The following ARHGAP15 variants were observed in gnomAD, a reference collection of about 807,000 sequenced individuals.
ARHGAP15 encodes the protein Rho GTPase activating protein 15.
In ARHGAP15, 51 loss-of-function variants were observed where a neutral mutation model predicts 63.7. The ratio of observed to expected loss-of-function variants is 0.80; its 90% CI spans 0.64 to 1.01. ARHGAP15 has a LOEUF of 1.01. ARHGAP15 is among the 50% of genes least tolerant of loss of function. The pLI is 0.00. For synonymous variants in ARHGAP15, 191 were observed against 193.8 expected (o/e 0.99, Z 0.12); for missense variants, 560 against 564.6 (o/e 0.99, Z 0.08).
chr2:143,356,339 C>A (rs1685809499), intron 6 of ARHGAP15, among the ~76,000 whole-genome samples: 1 of 152,030 alleles, frequency 6.6e-6, no homozygotes, highest in Admixed American at 6.6e-5. Flanking sequence ...GAGCAATGAT[C>A]TTTGTAAGAT....
At chr2:143,504,218 C>A (rs1693201456) in intron 9 of ARHGAP15, among the ~76,000 whole-genome samples, 1 of 152,140 alleles carries the variant, frequency 6.6e-6, no homozygotes, top group Admixed American at 6.6e-5. Context: ...AGTTTGTATT[C>A]TACTTTATAG....
intron 5 of ARHGAP15, among the ~76,000 whole-genome samples, chr2:143,235,332 T>G (rs28445924): frequency 0.013 from 1,918 of 151,228 alleles, 38 homozygotes; most frequent in African/African-American, 0.044. Flanking sequence ...CGTTATAATT[T>G]GAATATGTGG....
chr2:143,378,296 A>G (rs1187636589), intron 6 of ARHGAP15, among the ~76,000 whole-genome samples: 1 of 152,064 alleles, frequency 6.6e-6, no homozygotes, highest in African/African-American at 2.4e-5. Context: ...GAGATACGAA[A>G]CAGTTTATTA....
intron 12 of ARHGAP15, 116 bp from the exon 13 acceptor site, chr2:143,703,303 C>T (rs542769040): frequency 1.5e-6 from 1 of 655,922 alleles, no homozygotes; most frequent in Non-Finnish European, 2.6e-6. Context: ...TGACTACTGA[C>T]TAGGACTCTT....
intron 2 of ARHGAP15, chr2:143,172,279 A>T (rs1219735418): frequency 6.6e-6 from 1 of 152,160 alleles, no homozygotes; most frequent in African/African-American, 2.4e-5. Flanking sequence ...AGGCTAATAT[A>T]AGATCAGAGT....
chr2:143,137,500 C>T (rs959175325), intron 1 of ARHGAP15, among the ~76,000 whole-genome samples: 2 of 151,940 alleles, frequency 1.3e-5, no homozygotes, highest in African/African-American at 2.4e-5. Flanking sequence ...ATATATGGTA[C>T]AGTTTTAGTA....
intron 8 of ARHGAP15, among the ~76,000 whole-genome samples, chr2:143,439,485 A>T (rs1238583298): frequency 2.0e-5 from 3 of 146,986 alleles, no homozygotes; most frequent in Non-Finnish European, 4.5e-5. Context: ...TCATTTCAAA[A>T]TCTAACTAAT....
intron 6 of ARHGAP15, among the ~76,000 whole-genome samples, chr2:143,372,262 A>G (rs999712818): frequency 4.0e-5 from 6 of 149,812 alleles, no homozygotes; most frequent in Non-Finnish European, 7.4e-5. Context: ...GGATCACCTG[A>G]GCCTGAGGAG....
Position 143,399,263 on chromosome 2 carries a change from CT to C in ARHGAP15, c.475-36328del, listed in dbSNP as rs376708875. On this transcript the variant is annotated intron_variant, in intron 6 of 13. Coordinates refer to ENST00000295095, the MANE Select transcript of ARHGAP15 (RefSeq NM_018460.4). ...GTAATTATCCCTTATACAATTATTA[CT>C]TTTTTTTTTATCCTTTGAGACATTT... Among the ~76,000 whole-genome samples the C allele has an allele frequency of 2.7e-3, 400 of 147,938 alleles. 2 individuals are homozygous for C. Among genetic ancestry groups the C allele is most frequent in the African/African-American group, 7.9e-3 (321 of 40,474 alleles).
At chr2:143,659,921 A>G (rs532890317) in intron 12 of ARHGAP15, among the ~76,000 whole-genome samples, 3 of 152,124 alleles carry the variant, frequency 2.0e-5, no homozygotes, top group Admixed American at 6.5e-5. Context: ...ATTTGAAGTA[A>G]TAAGTGGGTG....
intron 6 of ARHGAP15, among the ~76,000 whole-genome samples, chr2:143,299,906 A>AG (rs1344945393): frequency 1.3e-5 from 2 of 151,972 alleles, no homozygotes; most frequent in African/African-American, 4.8e-5. Context: ...AATATTAAAG[A>AG]GGAAGGGTTG....
At chr2:143,360,941 C>A (rs970272557) in intron 6 of ARHGAP15, among the ~76,000 whole-genome samples, 11 of 152,036 alleles carry the variant, frequency 7.2e-5, no homozygotes, top group African/African-American at 2.7e-4. Context: ...CACATTTTGG[C>A]CAATTTAGTT....
intron 11 of ARHGAP15, among the ~76,000 whole-genome samples, chr2:143,568,804 A>G (rs910786803): frequency 1.3e-5 from 2 of 152,272 alleles, no homozygotes; most frequent in Admixed American, 6.5e-5. Context: ...AAAATGTGGC[A>G]CATATACACC....
intron 8 of ARHGAP15, among the ~76,000 whole-genome samples, chr2:143,474,190 A>C (rs916409849): frequency 4.6e-5 from 7 of 152,284 alleles, no homozygotes; most frequent in African/African-American, 1.7e-4. Context: ...AGGAAGACTC[A>C]AAACCCCAAA....
intron 6 of ARHGAP15, among the ~76,000 whole-genome samples, chr2:143,353,695 G>T (rs1453637678): frequency 6.6e-6 from 1 of 152,104 alleles, no homozygotes; most frequent in Non-Finnish European, 1.5e-5. Context: ...TTGTGAGATG[G>T]TTGCAGCCCG....
intron 8 of ARHGAP15, among the ~76,000 whole-genome samples, chr2:143,450,650 T>C (rs1690366099): frequency 6.6e-6 from 1 of 151,988 alleles, no homozygotes; most frequent in Non-Finnish European, 1.5e-5. Flanking sequence ...CCAGTATCAT[T>C]TCTTAATTAT....
intron 9 of ARHGAP15, among the ~76,000 whole-genome samples, chr2:143,505,170 A>G (rs1377026354): frequency 1.3e-5 from 2 of 152,194 alleles, no homozygotes; most frequent in Admixed American, 1.3e-4. Context: ...TTACCAACTA[A>G]TATCAGCTCT....
At chr2:143,451,182 C>A (rs568681461) in intron 8 of ARHGAP15, among the ~76,000 whole-genome samples, 8 of 152,018 alleles carry the variant, frequency 5.3e-5, no homozygotes, top group African/African-American at 1.9e-4. Flanking sequence ...GATGATCATA[C>A]ATTCGCCTCT....
chr2:143,541,374 A>C (rs575334760), intron 10 of ARHGAP15, among the ~76,000 whole-genome samples: 19 of 151,952 alleles, frequency 1.3e-4, no homozygotes, highest in African/African-American at 4.6e-4. Context: ...TCTTCTCTCA[A>C]CTCGTCAAAG....
Sources: gnomAD v4.1 joint callset for allele counts (sites outside exome capture counted in the v4.1 genomes callset) on GRCh38, gnomAD v4.1.1 for gene constraint, MANE v1.5 for transcripts, NCBI Gene and HGNC (gene_info 2026-07-23, HGNC 2026-07-21) for gene names.